Variants in KRT10 observed in about 807,000 individuals in gnomAD.
KRT10 encodes keratin 10.
Under a neutral mutation model 59.2 loss-of-function variants are expected in KRT10, and 40 were observed. That is an observed-to-expected ratio of 0.68 (90% CI 0.52 to 0.88). The LOEUF (loss-of-function observed/expected upper bound fraction) is 0.88, where lower values mean the gene tolerates loss of function less well. KRT10 is among the 40% of genes least tolerant of loss of function. The pLI, the probability that KRT10 is intolerant of heterozygous loss-of-function variation, is 0.00. For synonymous variants in KRT10, 336 were observed against 310.7 expected (o/e 1.08, Z -0.86); for missense variants, 719 against 749.1 (o/e 0.96, Z 0.47).
chr17:40,822,397 A>G lies in KRT10; in HGVS notation c.189T>C (p.Gly63=), dbSNP rs1344329148. The change falls in exon 1 of 8, where the codon GGT becomes GGC. Residue 63 remains glycine (G), a synonymous_variant. Transcript: ENST00000269576. The part of the protein sequence containing the change: ...SGGSFSRGSS[G]GGCFGGSSGG... ...CTGATGAGCCCCCAAAGCAGCCCCC[A>G]CCAGAGCTCCCACGGCTAAAAGAGC... is the stretch of plus-strand genomic sequence containing the variant. 6.2e-7 allele frequency: 1 copy of G among 1,611,368 alleles called. No individual in the cohort carries two copies. Among genetic ancestry groups the G allele is most frequent in the Admixed American group, 1.7e-5 (1 of 59,870 alleles).
chr17:40,818,956 T>C lies in KRT10; in HGVS notation c.1579A>G (p.Ser527Gly), dbSNP rs201576759. 3.7e-5 allele frequency: 48 copies of C among 1,292,582 alleles called. 1 individual carries two copies. The East Asian group carries it at 4.5e-4, about 12-fold the overall frequency. 80.1% of individuals were successfully genotyped at this position (1,292,582 alleles called of 1,614,324 possible). A position where few individuals can be genotyped will look rare whatever the true frequency, so the allele number is the denominator to read the frequency against. Residue 527 changes from serine to glycine, a missense_variant, in exon 7 of 8, where the codon AGC becomes GGC. Transcript: ENST00000269576. ...GAACTGCCACCACCGTAGCCGCCGC[T>C]GGAACTGCCGCCGTGGCCGCCGCTG... ...SSSGGHGGSS[S>G]GGYGGGSSGG...
In KRT10 at chr17:40,818,327, C is replaced by T. The variant is rs570136616; in HGVS notation, c.*149G>A. 8.3e-5 allele frequency: 87 copies of T among 1,044,146 alleles called. No homozygotes were observed. The African/African-American group carries it at 1.3e-3, about 15-fold the overall frequency. 64.7% of individuals were successfully genotyped at this position (1,044,146 alleles called of 1,614,324 possible). On this transcript the variant is annotated 3_prime_UTR_variant, in exon 8 of 8. Coordinates refer to ENST00000269576, the MANE Select transcript of KRT10 (RefSeq NM_000421.5). ...CTTGGAGACTTTGTTTTCCATGCATCTGTAAATAATGGTCTGTGTGAAGGG... is the reference window on the plus strand; with the variant it reads ...CTTGGAGACTTTGTTTTCCATGCATTTGTAAATAATGGTCTGTGTGAAGGG...
chr17:40,821,829 G>C, intron 1 of KRT10, 130 bp downstream of exon 1: 1 of 949,480 alleles, frequency 1.1e-6, no homozygotes, highest in South Asian at 1.5e-5. Context: ...TGATGAGACT[G>C]GGTTATTTTT....
chr17:40,820,012 T>C lies in KRT10; in HGVS notation c.1155+37A>G, dbSNP rs200507327. 1.4e-4 allele frequency: 224 copies of C among 1,609,820 alleles called. 2 individuals carry two copies. Among genetic ancestry groups the C allele is most frequent in the Non-Finnish European group, 1.6e-4 (190 of 1,177,916 alleles). ...TCTTAGGTGAGCATGAAACTTTGTA[T>C]GATAAAGTTGAAGTCATTTCATGAG... On this transcript the variant is annotated intron_variant, in intron 5 of 7. Transcript: ENST00000269576.
At chr17:40,819,272 C>G in intron 6 of KRT10, 111 bp from the exon 7 acceptor site, 1 of 1,558,668 alleles carries the variant, frequency 6.4e-7, no homozygotes, top group Non-Finnish European at 8.6e-7. Context: ...AAAATAAAAC[C>G]CTGCCAGGTA....
In KRT10 at chr17:40,822,277, T is replaced by G; in HGVS notation, c.309A>C (p.Gly103=). The G allele has an allele frequency of 6.3e-7, 1 of 1,579,668 alleles. No homozygotes were observed. The highest frequency in any genetic ancestry group is 8.6e-7 in the Non-Finnish European group (1 of 1,162,902). The change falls in exon 1 of 8, where the codon GGA becomes GGC. Residue 103 remains glycine, a synonymous_variant. Coordinates refer to ENST00000269576, the MANE Select transcript of KRT10 (RefSeq NM_000421.5). Reference sequence around the variant, plus strand: ...AGCTGCCACCTCCGAAACTGCCCCCTCCAAAGATGCCTCCATAACTCCCAC... The same window carrying G: ...AGCTGCCACCTCCGAAACTGCCCCCGCCAAAGATGCCTCCATAACTCCCAC... ...SFGGSYGGIF[G]GGSFGGGSFG... is the part of the protein sequence containing the mutation.
rs749495943 is a variant in KRT10, at chr17:40,820,159, T to C, written c.1045A>G (p.Thr349Ala). ...WFNEKSKELT[T>A]EIDNNIEQIS... ...TGTTCAATGTTATTATCAATTTCTG[T>C]AGTCAGTTCCTTGCTCTAGAGTATT... The change falls in exon 5 of 8, where the codon ACA (threonine) becomes GCA (alanine). Residue 349 changes from threonine to alanine, a missense_variant. Thr to Ala is a moderately conservative substitution (Grantham distance 58). This residue lies in a region of KRT10 where 221 missense variants were observed against 277.8 expected (regional missense o/e 0.80). Transcript: ENST00000269576. 33 of 1,613,912 alleles carry C rather than the reference T, an allele frequency of 2.0e-5. No homozygotes were observed. Among genetic ancestry groups the C allele is most frequent in the Non-Finnish European group, 2.6e-5 (31 of 1,179,934 alleles).
rs1905484581 is a variant in KRT10, at chr17:40,822,494, ACTCCTCCTCCTCCTCCACATCCTCCTC to A, written c.65_91del (p.Gly22_Gly30del). The stretch of plus-strand genomic sequence containing the variant: ...GCTGCTAGAAATTCTTAGGGATGAC[ACTCCTCCTCCTCCTCCACATCCTCCTC>A]CTCCTCCTCCTCCTCCACTGCGGGA... On this transcript the variant is annotated inframe_deletion, in exon 1 of 8. Transcript: ENST00000269576. 3.7e-6 allele frequency: 6 copies of A among 1,605,730 alleles called. No individual in the cohort carries two copies. Among genetic ancestry groups the A allele is most frequent in the Admixed American group, 1.7e-5 (1 of 59,480 alleles).
Position 40,818,227 on chromosome 17 carries a change from A to G in KRT10, c.*249T>C. 1 of 470,710 alleles carries G rather than the reference A, an allele frequency of 2.1e-6. No homozygotes were observed. The highest frequency in any genetic ancestry group is 3.8e-6 in the Non-Finnish European group (1 of 265,308). 29.2% of individuals were successfully genotyped at this position (470,710 alleles called of 1,614,324 possible). A position where few individuals can be genotyped will look rare whatever the true frequency, so the allele number is the denominator to read the frequency against. On this transcript the variant is annotated 3_prime_UTR_variant, in exon 8 of 8. Transcript: ENST00000269576. The stretch of plus-strand genomic sequence containing the variant: ...CTGGTAAAGTGAAAAGAAGAAATAC[A>G]GAAACCACAAAACACCTTGTAGACA...
At position 40,822,330 on chromosome 17, in the gene KRT10, G is replaced by C; in HGVS notation, c.256C>G (p.Arg86Gly). 1 of 1,594,012 alleles carries C rather than the reference G, an allele frequency of 6.3e-7. No individual in the cohort carries two copies. Among genetic ancestry groups the C allele is most frequent in the Non-Finnish European group, 8.5e-7 (1 of 1,169,828 alleles). ...AAGCTGCTACTTCCATAGCTTCCAC[G>C]AAAGCTACCTCCACCAAAACCTCCT... The part of the protein sequence containing the change: ...GLGGFGGGSF[R>G]GSYGSSSFGG... Residue 86 changes from arginine (R) to glycine (G), a missense_variant, in exon 1 of 8, where the codon CGT becomes GGT. Transcript: ENST00000269576.
chr17:40,818,349 A>G lies in KRT10; in HGVS notation c.*127T>C. ...CATCTGTAAATAATGGTCTGTGTGA[A>G]GGGAGACTCTTTCCTCTTGATGCAG... On this transcript the variant is annotated 3_prime_UTR_variant, in exon 8 of 8. Coordinates refer to ENST00000269576, the MANE Select transcript of KRT10 (RefSeq NM_000421.5). 29 of 1,282,826 alleles carry G rather than the reference A, an allele frequency of 2.3e-5. No homozygotes were observed. The highest frequency in any genetic ancestry group is 3.2e-5 in the Non-Finnish European group (29 of 894,188). 79.5% of individuals were successfully genotyped at this position (1,282,826 alleles called of 1,614,324 possible). A position where few individuals can be genotyped will look rare whatever the true frequency, so the allele number is the denominator to read the frequency against.
Position 40,818,960 on chromosome 17 carries a change from A to G in KRT10, c.1575T>C (p.Ser525=), listed in dbSNP as rs780490580. ...GGSSSGGHGG[S]SSGGYGGGSS... ...TGCCACCACCGTAGCCGCCGCTGGA[A>G]CTGCCGCCGTGGCCGCCGCTGGAGC... The change falls in exon 7 of 8, where the codon AGT becomes AGC. Residue 525 remains serine, a synonymous_variant. Coordinates refer to ENST00000269576, the MANE Select transcript of KRT10 (RefSeq NM_000421.5). 5.5e-5 allele frequency: 67 copies of G among 1,221,092 alleles called. 1 individual carries two copies. Among genetic ancestry groups the G allele is most frequent in the East Asian group, 4.2e-4 (10 of 23,708 alleles). The allele number at this position is 1,221,092 out of a possible 1,614,324, so 75.6% of individuals were successfully genotyped here.
intron 6 of KRT10, 115 bp from the exon 7 acceptor site, chr17:40,819,276 C>A: frequency 1.3e-6 from 2 of 1,552,254 alleles, no homozygotes; most frequent in South Asian, 1.2e-5. Context: ...TAAAACCCTG[C>A]CAGGTATATA....
rs1038667306 is a variant in KRT10, at chr17:40,818,823, G to C, written c.1712C>G (p.Ser571Cys). Residue 571 changes from serine to cysteine, a missense_variant, in exon 7 of 8, where the codon TCC becomes TGC. This residue lies in a region of KRT10 where 315 missense variants were observed against 270.6 expected (regional missense o/e 1.16). Coordinates refer to ENST00000269576, the MANE Select transcript of KRT10 (RefSeq NM_000421.5). ...AGATGAAGACTCGCCCACGGACCCG[G>C]AAGAGGAGGACTTGTGGCCTCCGCT... ...SSSGGHKSSS[S>C]GSVGESSSKG... The C allele has an allele frequency of 1.6e-6, 2 of 1,250,078 alleles. No homozygotes were observed. Among genetic ancestry groups the C allele is most frequent in the Non-Finnish European group, 2.2e-6 (2 of 925,212 alleles). The allele number at this position is 1,250,078 out of a possible 1,614,324, so 77.4% of individuals were successfully genotyped here. A position where few individuals can be genotyped will look rare whatever the true frequency, so the allele number is the denominator to read the frequency against.
At chr17:40,821,794 C>T (rs909141103) in intron 1 of KRT10, among the ~76,000 whole-genome samples, 165 bp downstream of exon 1, 6 of 152,052 alleles carry the variant, frequency 3.9e-5, no homozygotes, top group Non-Finnish European at 8.8e-5. Context: ...ATTGCCATGA[C>T]CATAGTTTCA....
At position 40,820,401 on chromosome 17, in the gene KRT10, A is replaced by G; in HGVS notation, c.890T>C (p.Val297Ala). The part of the protein sequence containing the change: ...HEEEMKDLRN[V>A]STGDVNVEMN... ...TTCCACATTCACATCACCAGTGGAC[A>G]CATTTCGAAGGTCTTTCATTTCCTG... Residue 297 changes from valine to alanine, a missense_variant, in exon 4 of 8, where the codon GTG becomes GCG. By Grantham distance (64) the Val-to-Ala change is moderately conservative. Transcript: ENST00000269576. 6.2e-7 allele frequency: 1 copy of G among 1,614,252 alleles called. No homozygotes were observed. Among genetic ancestry groups the G allele is most frequent in the African/African-American group, 1.3e-5 (1 of 75,064 alleles).
chr17:40,819,902 T>C lies in KRT10; in HGVS notation c.1155+147A>G, dbSNP rs142018791. ...TTCAGCACTTTTAGATCAACACTAG[T>C]AGTACTTTTCCTCCATTAACATGAG... On this transcript the variant is annotated intron_variant, in intron 5 of 7. Coordinates refer to ENST00000269576, the MANE Select transcript of KRT10 (RefSeq NM_000421.5). 467 of 1,111,654 alleles carry C rather than the reference T, an allele frequency of 4.2e-4. 1 individual carries two copies. In the African/African-American group the frequency reaches 6.8e-3, roughly 16 times the overall value. 68.9% of individuals were successfully genotyped at this position (1,111,654 alleles called of 1,614,324 possible).
At chr17:40,821,691 A>C (rs1425561991) in intron 1 of KRT10, among the ~76,000 whole-genome samples, 1 of 152,020 alleles carries the variant, frequency 6.6e-6, no homozygotes, top group Admixed American at 6.6e-5. Flanking sequence ...AGCATATTTT[A>C]ACTGTGGACT....
intron 7 of KRT10, 52 bp downstream of exon 7, chr17:40,818,735 C>A: frequency 6.3e-7 from 1 of 1,594,962 alleles, no homozygotes; most frequent in South Asian, 1.1e-5. Context: ...GCAAAAAAAC[C>A]ATCACAGGAA....
Sources: gnomAD v4.1 joint callset for allele counts (sites outside exome capture counted in the v4.1 genomes callset) on GRCh38, gnomAD v4.1.1 for gene constraint, gnomAD v4.1.1 regional missense constraint, MANE v1.5 for transcripts, NCBI Gene and HGNC (gene_info 2026-07-23, HGNC 2026-07-21) for gene names.